Variants in PSMD2 observed in about 807,000 individuals in gnomAD.
The protein encoded by PSMD2 is proteasome 26S subunit ubiquitin receptor, non-ATPase 2.
PSMD2 carries 8 observed loss-of-function variants against 101.5 expected under a neutral mutation model. The ratio of observed to expected loss-of-function variants is 0.08; its 90% CI spans 0.05 to 0.14. The LOEUF (loss-of-function observed/expected upper bound fraction) is 0.14, where lower values mean the gene tolerates loss of function less well. PSMD2 is among the 10% of genes least tolerant of loss of function. PSMD2 has a pLI of 1.00. For missense variants in PSMD2, 784 were observed against 1,147.4 expected, an observed-to-expected ratio of 0.68 and a Z score of 4.58; for synonymous variants, 418 against 433.8, an observed-to-expected ratio of 0.96 and a Z score of 0.45.
intron 5 of PSMD2, 91 bp downstream of exon 5, chr3:184,302,162 C>A: frequency 7.2e-7 from 1 of 1,392,770 alleles, no homozygotes; most frequent in Non-Finnish European, 1.0e-6. Flanking sequence ...AGAGCATTTG[C>A]TCAAGCATAG....
At position 184,299,821 on chromosome 3, in the gene PSMD2, C is replaced by G. The variant is rs564528927; in HGVS notation, c.136-30C>G. 1.4e-5 allele frequency: 22 copies of G among 1,597,798 alleles called. No individual in the cohort carries two copies. In the South Asian group the frequency reaches 2.3e-4, roughly 17 times the overall value. On this transcript the variant is annotated intron_variant, in intron 1 of 20. Transcript: ENST00000310118. ...GGAGGACGTCTTTGGGATTCCTTCT[C>G]TTCATGAGCTGCTTCTCCCAACCCT... is the stretch of plus-strand genomic sequence containing the variant.
Position 184,308,526 on chromosome 3 carries a change from G to C in PSMD2, c.2503G>C (p.Glu835Gln). The change falls in exon 20 of 21, where the codon GAG becomes CAG. Residue 835 changes from glutamate to glutamine, a missense_variant. Physicochemically the swap from Glu to Gln is conservative, Grantham distance 29. Coordinates refer to ENST00000310118, the MANE Select transcript of PSMD2 (RefSeq NM_002808.5). This position sits in a 1 kb window ranked among gnomAD's most constrained non-coding sequence, Gnocchi z 6.0. ...MQPRMLVTFD[E>Q]ELRPLPVSVR... Reference sequence around the variant, plus strand: ...GCCCCGAATGCTGGTTACGTTTGATGAGGAGCTGCGGCCATTGCCAGTGTC... The same window carrying C: ...GCCCCGAATGCTGGTTACGTTTGATCAGGAGCTGCGGCCATTGCCAGTGTC... The C allele has an allele frequency of 6.2e-7, 1 of 1,613,672 alleles. No individual in the cohort carries two copies. Among genetic ancestry groups the C allele is most frequent in the Non-Finnish European group, 8.5e-7 (1 of 1,180,022 alleles).
At chr3:184,307,297 T>C (rs1721864853) in intron 16 of PSMD2, 60 bp from the exon 17 acceptor site, 1 of 1,574,380 alleles carries the variant, frequency 6.4e-7, no homozygotes, top group Non-Finnish European at 8.7e-7. Context: ...AGTCCACTCC[T>C]GTAATGGAAT....
Position 184,302,516 on chromosome 3 carries a change from C to G in PSMD2, c.851C>G (p.Ser284Cys). The G allele has an allele frequency of 1.9e-6, 3 of 1,614,052 alleles. No individual in the cohort carries two copies. Among genetic ancestry groups the G allele is most frequent in the East Asian group, 4.5e-5 (2 of 44,876 alleles). ...DMELVEDIFT[S>C]CKDVVVQKQM... ...GAGTTGGTAGAAGACATCTTCACCT[C>G]CTGCAAGGATGTGTATGTAGGGAAG... Residue 284 changes from serine (S) to cysteine (C), a missense_variant, in exon 6 of 21, where the codon TCC becomes TGC. Ser to Cys is a moderately radical substitution (Grantham distance 112, BLOSUM62 -1). This residue lies in a region of PSMD2 where 208 missense variants were observed against 301.6 expected (regional missense o/e 0.69). Transcript: ENST00000310118.
chr3:184,299,243 A>C lies in PSMD2; in HGVS notation c.-24A>C. 1 of 1,305,084 alleles carries C rather than the reference A, an allele frequency of 7.7e-7. No homozygotes were observed. Among genetic ancestry groups the C allele is most frequent in the Non-Finnish European group, 9.7e-7 (1 of 1,028,598 alleles). The allele number at this position is 1,305,084 out of a possible 1,614,324, so 80.8% of individuals were successfully genotyped here. A position where few individuals can be genotyped will look rare whatever the true frequency, so the allele number is the denominator to read the frequency against. On this transcript the variant is annotated 5_prime_UTR_variant, in exon 1 of 21. Coordinates refer to ENST00000310118, the MANE Select transcript of PSMD2 (RefSeq NM_002808.5). ...GGGCGGTGCGAGCGGGTGCGCGCGC[A>C]GCGGGCCGGCAGTGGCGGCGGAGAT...
At chr3:184,302,606 T>C (rs536527838) in intron 6 of PSMD2, 73 bp from the exon 7 acceptor site, 2 of 1,611,334 alleles carry the variant, frequency 1.2e-6, no homozygotes, top group African/African-American at 1.3e-5. Flanking sequence ...TTGTAGTTTC[T>C]GGTTAGGGCT....
chr3:184,303,137 C>A, intron 8 of PSMD2, 75 bp downstream of exon 8: 1 of 1,540,286 alleles, frequency 6.5e-7, no homozygotes, highest in Non-Finnish European at 9.0e-7. Flanking sequence ...ATGGCTTGGC[C>A]AACATGCTTA....
At position 184,308,124 on chromosome 3, in the gene PSMD2, C is replaced by A; in HGVS notation, c.2425+108C>A. 7.1e-7 allele frequency: 1 copy of A among 1,400,214 alleles called. No individual in the cohort carries two copies. Among genetic ancestry groups the A allele is most frequent in the South Asian group, 1.4e-5 (1 of 73,658 alleles). The allele number at this position is 1,400,214 out of a possible 1,614,324, so 86.7% of individuals were successfully genotyped here. On this transcript the variant is annotated intron_variant, in intron 19 of 20. Coordinates refer to ENST00000310118, the MANE Select transcript of PSMD2 (RefSeq NM_002808.5). This position sits in a 1 kb window ranked among gnomAD's most constrained non-coding sequence, Gnocchi z 6.0. The stretch of plus-strand genomic sequence containing the variant: ...TCAAGACCCCAGTTTAGCTCTGTAT[C>A]GCTCTAGGTTTCTGAGACAGGCTTT...
intron 9 of PSMD2, 41 bp from the exon 10 acceptor site, chr3:184,303,602 A>C: frequency 6.2e-7 from 1 of 1,612,834 alleles, no homozygotes; most frequent in Non-Finnish European, 8.5e-7. Flanking sequence ...GATCCTCAGG[A>C]TAGGGCCATT....
chr3:184,299,377 G>C lies in PSMD2; in HGVS notation c.111G>C (p.Gly37=), dbSNP rs1047052795. The C allele has an allele frequency of 4.3e-6, 6 of 1,399,844 alleles. No individual in the cohort carries two copies. Among genetic ancestry groups the C allele is most frequent in the Admixed American group, 6.5e-5 (2 of 30,998 alleles). The allele number at this position is 1,399,844 out of a possible 1,614,324, so 86.7% of individuals were successfully genotyped here. A position where few individuals can be genotyped will look rare whatever the true frequency, so the allele number is the denominator to read the frequency against. Residue 37 remains glycine, a synonymous_variant, in exon 1 of 21, where the codon GGG becomes GGC. Coordinates refer to ENST00000310118, the MANE Select transcript of PSMD2 (RefSeq NM_002808.5). ...GCGGCAAGGAGCGGCGGGATGCCGG[G>C]GACAAGGACAAAGAACAGGAGCTGG... is the stretch of plus-strand genomic sequence containing the variant. The part of the protein sequence containing the change: ...KPSGKERRDA[G]DKDKEQELSE...
In PSMD2 at chr3:184,301,574, C is replaced by G. The variant is rs1048249628; in HGVS notation, c.395C>G (p.Thr132Ser). The G allele has an allele frequency of 6.2e-7, 1 of 1,614,056 alleles. No homozygotes were observed. Among genetic ancestry groups the G allele is most frequent in the Non-Finnish European group, 8.5e-7 (1 of 1,179,974 alleles). ...GACATCATCTCCGTTTTGGCCATGA[C>G]CATGAGTGGGGAGCGTGAGTGCCTC... The part of the protein sequence containing the change: ...AADIISVLAM[T>S]MSGERECLKY... Residue 132 changes from threonine (T) to serine (S), a missense_variant, in exon 4 of 21, where the codon ACC becomes AGC. Coordinates refer to ENST00000310118, the MANE Select transcript of PSMD2 (RefSeq NM_002808.5).
Position 184,300,277 on chromosome 3 carries a change from CAGG to C in PSMD2, c.193_195del (p.Glu65del), listed in dbSNP as rs1457810281. 1.2e-6 allele frequency: 2 copies of C among 1,610,126 alleles called. No homozygotes were observed. The highest frequency in any genetic ancestry group is 1.7e-6 in the Non-Finnish European group (2 of 1,178,098). ...TGTCTGAGCCCTGTCGTCTCTTGAT[CAGG>C]AGAAGGATACATCCCTGTATCGACC... On this transcript the variant is annotated splice_acceptor_variant and coding_sequence_variant, in exon 3 of 21. Coordinates refer to ENST00000310118, the MANE Select transcript of PSMD2 (RefSeq NM_002808.5). LOFTEE classifies it high-confidence loss of function.
At chr3:184,303,591 G>A in intron 9 of PSMD2, 52 bp from the exon 10 acceptor site, 1 of 1,611,108 alleles carries the variant, frequency 6.2e-7, no homozygotes, top group Non-Finnish European at 8.5e-7. Context: ...TATAATAACA[G>A]GATCCTCAGG....
rs753220461 is a variant in PSMD2, at chr3:184,308,475, T to C, written c.2452T>C (p.Leu818=). The C allele has an allele frequency of 6.2e-7, 1 of 1,611,868 alleles. No individual in the cohort carries two copies. Among genetic ancestry groups the C allele is most frequent in the Non-Finnish European group, 8.5e-7 (1 of 1,179,624 alleles). ...NIILGKSHYV[L]YGLVAAMQPR... ...TATTCTAGGCAAATCACACTATGTA[T>C]TGTATGGGCTGGTGGCTGCCATGCA... is the stretch of plus-strand genomic sequence containing the variant. Residue 818 remains leucine (L), a synonymous_variant, in exon 20 of 21, where the codon TTG becomes CTG. Coordinates refer to ENST00000310118, the MANE Select transcript of PSMD2 (RefSeq NM_002808.5). This position sits in a 1 kb window ranked among gnomAD's most constrained non-coding sequence, Gnocchi z 6.0.
rs1466935065 is a variant in PSMD2, at chr3:184,306,292, A to T, written c.1805-58A>T. ...TTCTTTAGACTTCTCCTGTTTTCCA[A>T]AGCTTTTCCTTGGTAACTTCTCATT... On this transcript the variant is annotated intron_variant, in intron 14 of 20. Coordinates refer to ENST00000310118, the MANE Select transcript of PSMD2 (RefSeq NM_002808.5). The T allele has an allele frequency of 2.5e-6, 4 of 1,597,658 alleles. No homozygotes were observed. The East Asian group carries it at 8.9e-5, about 36-fold the overall frequency.
intron 5 of PSMD2, 144 bp downstream of exon 5, chr3:184,302,215 A>T: frequency 8.5e-7 from 1 of 1,182,128 alleles, no homozygotes; most frequent in Non-Finnish European, 1.2e-6. Flanking sequence ...GAGTTTCTTG[A>T]GGACAGAGAC....
At chr3:184,307,849 A>T in intron 18 of PSMD2, 41 bp from the exon 19 acceptor site, 1 of 1,613,630 alleles carries the variant, frequency 6.2e-7, no homozygotes, top group African/African-American at 1.3e-5. Flanking sequence ...ATGTCTCCTC[A>T]GTGGTAACTC....
At chr3:184,299,467 C>T in intron 1 of PSMD2, 66 bp downstream of exon 1, 2 of 1,312,460 alleles carry the variant, frequency 1.5e-6, no homozygotes, top group Non-Finnish European at 9.7e-7. Flanking sequence ...CTCCGCAGGC[C>T]TCAGGCCCGA....
chr3:184,306,505 GCAGC>G lies in PSMD2; in HGVS notation c.1950+11_1950+14del. The G allele has an allele frequency of 6.2e-7, 1 of 1,610,410 alleles. No homozygotes were observed. The highest frequency in any genetic ancestry group is 8.5e-7 in the Non-Finnish European group (1 of 1,178,658). On this transcript the variant is annotated intron_variant, in intron 15 of 20. Coordinates refer to ENST00000310118, the MANE Select transcript of PSMD2 (RefSeq NM_002808.5). ...CATGGGAGCACATCAGGTTATATGG[GCAGC>G]TGGGCACTTGCAGAGAGGCTGTGAG...
Sources: allele counts gnomAD v4.1 joint callset, GRCh38; gene constraint gnomAD v4.1.1; regional missense constraint gnomAD v4.1.1; non-coding constraint Gnocchi (gnomAD v3.1); transcripts MANE v1.5; gene names NCBI Gene and HGNC (gene_info 2026-07-23, HGNC 2026-07-21).